Variants in DPYD observed in about 807,000 individuals in gnomAD.
The protein encoded by DPYD is dihydropyrimidine dehydrogenase.
In DPYD, 109 loss-of-function variants were observed where a neutral mutation model predicts 116.2. The observed-to-expected ratio is 0.94, with a 90% CI of 0.80 to 1.10. The LOEUF is 1.10. DPYD is among the 50% of genes least tolerant of loss of function. DPYD has a pLI of 0.00. For missense variants in DPYD, 1,302 were observed against 1,254.5 expected (o/e 1.04, Z -0.57); for synonymous variants, 440 against 432.0 (o/e 1.02, Z -0.23).
At chr1:97,683,562 C>A (rs187025032) in intron 7 of DPYD, among the ~76,000 whole-genome samples, 1 of 151,914 alleles carries the variant, frequency 6.6e-6, no homozygotes, top group Non-Finnish European at 1.5e-5. Flanking sequence ...ATATTTTATA[C>A]TTTTAACTTT....
At chr1:97,679,398 A>G (rs1557878520) in intron 7 of DPYD, among the ~76,000 whole-genome samples, 1 of 152,206 alleles carries the variant, frequency 6.6e-6, no homozygotes, top group Admixed American at 6.5e-5. Context: ...AATGCAGAAG[A>G]AAAGCCAGTG....
chr1:97,456,577 C>T (rs998633533), intron 13 of DPYD, among the ~76,000 whole-genome samples: 20 of 152,166 alleles, frequency 1.3e-4, no homozygotes, highest in African/African-American at 4.8e-4. Flanking sequence ...GAGGCCCTAA[C>T]GGGCTTAAGC....
At chr1:97,572,997 A>T (rs768470247) in intron 11 of DPYD, among the ~76,000 whole-genome samples, 40 of 152,040 alleles carry the variant, frequency 2.6e-4, no homozygotes, top group Non-Finnish European at 2.5e-4. Flanking sequence ...CTAGAAAAAC[A>T]TATTTTATTT....
At chr1:97,474,268 T>C (rs1475907095) in intron 13 of DPYD, among the ~76,000 whole-genome samples, 2 of 152,134 alleles carry the variant, frequency 1.3e-5, no homozygotes, top group Non-Finnish European at 2.9e-5. Context: ...TTAATTTGTA[T>C]TCTAAATGTA....
intron 16 of DPYD, among the ~76,000 whole-genome samples, chr1:97,323,397 CAT>C (rs748339711): frequency 0.096 from 4,172 of 43,544 alleles, 481 homozygotes; most frequent in East Asian, 0.15. Flanking sequence ...CGTATGTATA[CAT>C]ATGTGTATAT....
At chr1:97,537,083 A>G (rs1650056912) in intron 12 of DPYD, among the ~76,000 whole-genome samples, 2 of 152,216 alleles carry the variant, frequency 1.3e-5, no homozygotes, top group African/African-American at 4.8e-5. Flanking sequence ...AGTGTCTTTT[A>G]TTTAAAGTTG....
At chr1:97,235,642 A>T (rs908661302) in intron 18 of DPYD, among the ~76,000 whole-genome samples, 3 of 152,142 alleles carry the variant, frequency 2.0e-5, no homozygotes. Context: ...ACAAACAAAC[A>T]AAAAACAAGG....
At chr1:97,469,979 T>C (rs995250934) in intron 13 of DPYD, among the ~76,000 whole-genome samples, 2 of 152,140 alleles carry the variant, frequency 1.3e-5, no homozygotes, top group African/African-American at 4.8e-5. Context: ...AAATAACAAA[T>C]GGATAGCTAA....
At chr1:97,327,475 C>G (rs921273076) in intron 16 of DPYD, among the ~76,000 whole-genome samples, 3 of 151,764 alleles carry the variant, frequency 2.0e-5, no homozygotes, top group African/African-American at 7.3e-5. Flanking sequence ...GAAGCAAATA[C>G]CAACTTGAAT....
intron 20 of DPYD, among the ~76,000 whole-genome samples, chr1:97,163,786 C>G (rs555893122): frequency 2.0e-5 from 3 of 152,260 alleles, no homozygotes; most frequent in African/African-American, 7.2e-5. Flanking sequence ...AAGACCACAT[C>G]TCTTACTACT....
Position 97,342,945 on chromosome 1 carries a change from T to C in DPYD, c.2058+30616A>G, listed in dbSNP as rs2101244963. On this transcript the variant is annotated intron_variant, in intron 16 of 22. Coordinates refer to ENST00000370192, the MANE Select transcript of DPYD (RefSeq NM_000110.4). ...ATGATAGAGCACACTTTTTGATCTC[T>C]GGATGAAGTCAGTTACATCTCCTGT... Among the ~76,000 whole-genome samples the C allele has an allele frequency of 1.3e-5, 2 of 152,196 alleles. 1 individual carries two copies. Among genetic ancestry groups the C allele is most frequent in the South Asian group, 4.2e-4 (2 of 4,814 alleles).
intron 14 of DPYD, among the ~76,000 whole-genome samples, chr1:97,437,318 G>T (rs764909679): frequency 6.6e-6 from 1 of 150,732 alleles, no homozygotes; most frequent in Non-Finnish European, 1.5e-5. Context: ...TTTGAATCTG[G>T]ATTCCTTCAC....
chr1:97,863,840 C>G (rs1175821889), intron 2 of DPYD, among the ~76,000 whole-genome samples: 1 of 151,930 alleles, frequency 6.6e-6, no homozygotes, highest in Non-Finnish European at 1.5e-5. Flanking sequence ...CAACTTATCT[C>G]TAGAGTCTTA....
At chr1:97,425,597 C>A (rs972165636) in intron 14 of DPYD, among the ~76,000 whole-genome samples, 5 of 152,012 alleles carry the variant, frequency 3.3e-5, no homozygotes, top group Admixed American at 2.6e-4. Flanking sequence ...AAACAGATGT[C>A]TACGAAGGCA....
At chr1:97,189,170 G>C (rs114131530) in intron 20 of DPYD, among the ~76,000 whole-genome samples, 3,199 of 152,274 alleles carry the variant, frequency 0.021, 67 homozygotes, top group Non-Finnish European at 0.032. Context: ...GGTAAGAAAA[G>C]TGAGGTTATT....
intron 3 of DPYD, among the ~76,000 whole-genome samples, chr1:97,771,206 G>A (rs1018227590): frequency 9.9e-5 from 15 of 152,124 alleles, no homozygotes; most frequent in Admixed American, 7.9e-4. Flanking sequence ...CCAGGGGGTA[G>A]TGGAGGTTGC....
intron 3 of DPYD, among the ~76,000 whole-genome samples, chr1:97,814,903 CAAAA>C (rs71071673): frequency 1.6e-5 from 1 of 63,654 alleles, no homozygotes; most frequent in Non-Finnish European, 3.2e-5. Flanking sequence ...GACCCTGTCT[CAAAA>C]AAAAAAAAAA....
intron 16 of DPYD, among the ~76,000 whole-genome samples, chr1:97,364,482 CA>C (rs2101453724): frequency 6.6e-6 from 1 of 152,260 alleles, no homozygotes; most frequent in African/African-American, 2.4e-5. Context: ...TAAGACATCT[CA>C]AAGACAGTAA....
intron 14 of DPYD, among the ~76,000 whole-genome samples, chr1:97,429,137 T>C (rs1191742210): frequency 6.6e-6 from 1 of 152,052 alleles, no homozygotes; most frequent in Non-Finnish European, 1.5e-5. Context: ...ACAGAGATAA[T>C]GTTAAACATT....
Sources: allele counts gnomAD v4.1 joint callset (sites outside exome capture counted in the v4.1 genomes callset), GRCh38; gene constraint gnomAD v4.1.1; transcripts MANE v1.5; gene names NCBI Gene and HGNC (gene_info 2026-07-23, HGNC 2026-07-21).